Variants in NUFIP1 observed in about 807,000 individuals in gnomAD.
NUFIP1 encodes FMR1-interacting protein NUFIP1.
Under a neutral mutation model 56.2 loss-of-function variants are expected in NUFIP1, and 38 were observed. The observed-to-expected ratio is 0.68, with a 90% CI of 0.52 to 0.89. NUFIP1 has a LOEUF of 0.89. Ranked by LOEUF, NUFIP1 falls within the 40% of genes least tolerant of loss-of-function variation. The pLI is 0.00. For synonymous variants in NUFIP1, 215 were observed against 212.4 expected, an observed-to-expected ratio of 1.01 and a Z score of -0.10; for missense variants, 567 against 605.8, an observed-to-expected ratio of 0.94 and a Z score of 0.67.
At chr13:44,973,018 G>A (rs1871857397) in intron 5 of NUFIP1, among the ~76,000 whole-genome samples, 1 of 152,194 alleles carries the variant, frequency 6.6e-6, no homozygotes, top group Non-Finnish European at 1.5e-5. Flanking sequence ...GAGATTTCTT[G>A]CTAACATTAG....
At chr13:44,970,725 A>T (rs748645525) in intron 5 of NUFIP1, among the ~76,000 whole-genome samples, 4 of 152,164 alleles carry the variant, frequency 2.6e-5, no homozygotes, top group African/African-American at 4.8e-5. Context: ...CCCAGGCTGG[A>T]GTACAGTGGC....
intron 7 of NUFIP1, among the ~76,000 whole-genome samples, chr13:44,956,375 A>G (rs1871245215): frequency 6.6e-6 from 1 of 152,120 alleles, no homozygotes; most frequent in Non-Finnish European, 1.5e-5. Flanking sequence ...ACGAGGGACC[A>G]GTTTTGTGGA....
intron 6 of NUFIP1, among the ~76,000 whole-genome samples, chr13:44,961,808 C>T (rs2137906075): frequency 6.6e-6 from 1 of 152,310 alleles, no homozygotes; most frequent in South Asian, 2.1e-4. Flanking sequence ...TCTCTTACAG[C>T]ATCTGACCAC....
chr13:44,981,793 C>T (rs1350016813), intron 2 of NUFIP1, among the ~76,000 whole-genome samples: 3 of 151,876 alleles, frequency 2.0e-5, no homozygotes. Flanking sequence ...GCCTGGGCGA[C>T]AGAGTGAAAC....
chr13:44,956,747 G>A (rs1331672703), intron 7 of NUFIP1, among the ~76,000 whole-genome samples: 3 of 152,164 alleles, frequency 2.0e-5, no homozygotes, highest in Non-Finnish European at 4.4e-5. Flanking sequence ...GCAGGCAATA[G>A]GGAATGTGTA....
At position 44,949,851 on chromosome 13, in the gene NUFIP1, G is replaced by C; in HGVS notation, c.1022-13C>G. 1.5e-6 allele frequency: 2 copies of C among 1,342,854 alleles called. No homozygotes were observed. The highest frequency in any genetic ancestry group is 2.9e-5 in the African/African-American group (2 of 68,554). The allele number at this position is 1,342,854 out of a possible 1,614,324, so 83.2% of individuals were successfully genotyped here. On this transcript the variant is annotated splice_polypyrimidine_tract_variant and intron_variant, in intron 7 of 9. Transcript: ENST00000379161. The stretch of plus-strand genomic sequence containing the variant: ...TCCTTATCAGACTCTGAAGGGAAAA[G>C]AAGTCAGATTCAAAACATCTACCAC...
intron 7 of NUFIP1, among the ~76,000 whole-genome samples, chr13:44,955,960 G>A (rs953438382): frequency 1.3e-5 from 2 of 151,656 alleles, no homozygotes; most frequent in African/African-American, 2.4e-5. Flanking sequence ...TGGCTAACAC[G>A]GTGAAACCCC....
At chr13:44,972,046 T>G (rs1871824145) in intron 5 of NUFIP1, among the ~76,000 whole-genome samples, 1 of 152,232 alleles carries the variant, frequency 6.6e-6, no homozygotes, top group Non-Finnish European at 1.5e-5. Flanking sequence ...ATCTGAATAC[T>G]TTCCATGCTC....
At chr13:44,968,994 T>C (rs892656501) in intron 5 of NUFIP1, among the ~76,000 whole-genome samples, 11 of 152,218 alleles carry the variant, frequency 7.2e-5, no homozygotes, top group African/African-American at 2.7e-4. Context: ...AGTATCATGT[T>C]CCTAAAGGTA....
At chr13:44,988,965 G>A in intron 1 of NUFIP1, 60 bp downstream of exon 1, 2 of 1,540,388 alleles carry the variant, frequency 1.3e-6, no homozygotes, top group South Asian at 1.2e-5. Context: ...CAGAGAAAGG[G>A]GAGAGGAAAG....
intron 6 of NUFIP1, among the ~76,000 whole-genome samples, chr13:44,965,477 C>T (rs369392616): frequency 4.3e-4 from 65 of 152,256 alleles, no homozygotes; most frequent in African/African-American, 1.3e-3. Flanking sequence ...GGGCAGATCA[C>T]GAGGTCAAGA....
chr13:44,966,873 T>A (rs1250002100), intron 5 of NUFIP1, among the ~76,000 whole-genome samples: 4 of 151,622 alleles, frequency 2.6e-5, no homozygotes. Context: ...CTCGGGAGGC[T>A]GAGGCAGGAG....
In NUFIP1 at chr13:44,980,726, G is replaced by C; in HGVS notation, c.590C>G (p.Thr197Arg). 3 of 1,591,302 alleles carry C rather than the reference G, an allele frequency of 1.9e-6. No homozygotes were observed. The highest frequency in any genetic ancestry group is 2.6e-6 in the Non-Finnish European group (3 of 1,171,792). Reference sequence around the variant, plus strand: ...AGGACAACTAAGAAAACCTACTTTTGTATGTTCAGACATGTGTTTGTCATA... The same window carrying C: ...AGGACAACTAAGAAAACCTACTTTTCTATGTTCAGACATGTGTTTGTCATA... ...EKYDKHMSEHTKCPELDCSFT... is the reference protein window; with the variant it reads ...EKYDKHMSEHRKCPELDCSFT... The change falls in exon 3 of 10, where the codon ACA becomes AGA. Residue 197 changes from threonine (T) to arginine (R), a missense_variant. Thr to Arg is a moderately conservative substitution (Grantham distance 71). Coordinates refer to ENST00000379161, the MANE Select transcript of NUFIP1 (RefSeq NM_012345.3).
intron 5 of NUFIP1, among the ~76,000 whole-genome samples, chr13:44,970,023 C>G (rs926326444): frequency 2.6e-4 from 39 of 152,320 alleles, no homozygotes; most frequent in African/African-American, 8.9e-4. Flanking sequence ...TTCCTCAGAG[C>G]CACAGTAAGC....
intron 7 of NUFIP1, among the ~76,000 whole-genome samples, chr13:44,954,151 T>C (rs1262610580): frequency 6.6e-6 from 1 of 152,188 alleles, no homozygotes; most frequent in Admixed American, 6.5e-5. Flanking sequence ...CTTCATTTTA[T>C]AAAAACAGCT....
At chr13:44,970,082 TG>T in intron 5 of NUFIP1, among the ~76,000 whole-genome samples, 1 of 152,352 alleles carries the variant, frequency 6.6e-6, no homozygotes, top group South Asian at 2.1e-4. Flanking sequence ...CCCAGTCTGC[TG>T]TGAAAAATGT....
chr13:44,939,626 T>C lies in NUFIP1; in HGVS notation c.*1580A>G, dbSNP rs1204886615. ...ATTATATCTCCTTAGAAATTTTAAA[T>C]ACACTTGGAATCTGAAATACCCATT... On this transcript the variant is annotated 3_prime_UTR_variant, in exon 10 of 10. Transcript: ENST00000379161. The C allele has an allele frequency of 6.6e-6, 1 of 152,172 alleles. No individual in the cohort carries two copies. The highest frequency in any genetic ancestry group is 2.4e-5 in the African/African-American group (1 of 41,442). 9.4% of individuals were successfully genotyped at this position (152,172 alleles called of 1,614,324 possible). A position where few individuals can be genotyped will look rare whatever the true frequency, so the allele number is the denominator to read the frequency against.
In NUFIP1 at chr13:44,989,232, T is replaced by TGG; in HGVS notation, c.203_204dup (p.Met69ProfsTer135). ...GCCCCGGGGAGAGACTGGGCCTCCA[T>TGG]GGGGGGCTGCGACTCAGAGGAAGGC... On this transcript the variant is annotated frameshift_variant, in exon 1 of 10. Transcript: ENST00000379161. LOFTEE classifies it high-confidence loss of function. 1 of 1,612,354 alleles carries TGG rather than the reference T, an allele frequency of 6.2e-7. No homozygotes were observed. The highest frequency in any genetic ancestry group is 8.5e-7 in the Non-Finnish European group (1 of 1,179,244).
chr13:44,956,100 C>A (rs1276919075), intron 7 of NUFIP1, among the ~76,000 whole-genome samples: 5 of 146,952 alleles, frequency 3.4e-5, no homozygotes, highest in African/African-American at 1.3e-4. Context: ...GCCGAGATTG[C>A]GCCACTGCAC....
Sources: allele counts gnomAD v4.1 joint callset (sites outside exome capture counted in the v4.1 genomes callset), GRCh38; gene constraint gnomAD v4.1.1; transcripts MANE v1.5; gene names NCBI Gene and HGNC (gene_info 2026-07-23, HGNC 2026-07-21).